WWOX: variants seen among roughly 807,000 people sequenced by gnomAD.
WWOX encodes the protein WW domain-containing oxidoreductase.
In WWOX, 69 loss-of-function variants were observed where a neutral mutation model predicts 46.2. That is an observed-to-expected ratio of 1.49 (90% confidence interval 1.23 to 1.82). The LOEUF is 1.82. WWOX is among the 40% of genes most tolerant of loss of function. The probability of loss-of-function intolerance (pLI) is 0.00; values close to 1 mark genes in which losing one functional copy is unlikely to be tolerated. For synonymous variants in WWOX, 359 were observed against 202.6 expected (o/e 1.77, Z -6.56); for missense variants, 919 against 542.6 (o/e 1.69, Z -6.89).
At chr16:78,813,948 T>G (rs985412563) in intron 8 of WWOX, among the ~76,000 whole-genome samples, 3 of 152,218 alleles carry the variant, frequency 2.0e-5, no homozygotes, top group African/African-American at 7.2e-5. Flanking sequence ...TCCTGAAGCT[T>G]GTCTCCCCAC....
At chr16:78,277,096 C>G (rs1274659726) in intron 5 of WWOX, among the ~76,000 whole-genome samples, 1 of 152,156 alleles carries the variant, frequency 6.6e-6, no homozygotes, top group Non-Finnish European at 1.5e-5. Flanking sequence ...TGGATACATT[C>G]TCTTAACAGA....
chr16:78,718,708 G>C (rs568645526), intron 8 of WWOX, among the ~76,000 whole-genome samples: 93 of 152,174 alleles, frequency 6.1e-4, no homozygotes, highest in Admixed American at 1.6e-3. Context: ...ACACTACCTA[G>C]ATAGCTTAGG....
intron 8 of WWOX, among the ~76,000 whole-genome samples, chr16:79,132,533 T>C (rs1224031771): frequency 2.6e-5 from 4 of 152,218 alleles, no homozygotes; most frequent in Non-Finnish European, 5.9e-5. Context: ...AGGAATATTC[T>C]GAGTTTGTTT....
chr16:78,154,784 A>G (rs1310169833), intron 4 of WWOX, among the ~76,000 whole-genome samples: 4 of 152,132 alleles, frequency 2.6e-5, no homozygotes, highest in African/African-American at 7.2e-5. Context: ...GTTTAAATAA[A>G]ATCTCAACCA....
intron 8 of WWOX, among the ~76,000 whole-genome samples, chr16:79,179,218 C>A (rs542391474): frequency 6.6e-6 from 1 of 152,332 alleles, no homozygotes; most frequent in African/African-American, 2.4e-5. Context: ...TGTAAAACAA[C>A]GTGTCTAAAT....
At chr16:78,772,922 G>C (rs1422973063) in intron 8 of WWOX, among the ~76,000 whole-genome samples, 1 of 152,144 alleles carries the variant, frequency 6.6e-6, no homozygotes, top group Non-Finnish European at 1.5e-5. Context: ...TTACTCAGGA[G>C]GTGGAGGTGG....
At chr16:78,321,760 C>T (rs1209597941) in intron 5 of WWOX, among the ~76,000 whole-genome samples, 1 of 152,206 alleles carries the variant, frequency 6.6e-6, no homozygotes, top group African/African-American at 2.4e-5. Context: ...TCAGCACACA[C>T]ATCACAGGCC....
chr16:78,953,049 T>C (rs1029296164), intron 8 of WWOX, among the ~76,000 whole-genome samples: 3 of 151,982 alleles, frequency 2.0e-5, no homozygotes, highest in Non-Finnish European at 4.4e-5. Flanking sequence ...CCAGTTGTTG[T>C]TGTTCATGGT....
rs59862391 is a variant in WWOX at position 78,782,666 on chromosome 16, CTTT to C, written c.1056+349929_1056+349931del. On this transcript the variant is annotated intron_variant, in intron 8 of 8. Transcript: ENST00000566780. ...TCTTTCCGGTCTTTCTTTTCTATAT[CTTT>C]TTTTTTTTTTTTTTGCATTTTTCCA... 4.6e-5 allele frequency among the ~76,000 whole-genome samples: 6 copies of C among 131,844 alleles called. No individual in the cohort carries two copies. In the East Asian group the frequency reaches 6.7e-4, roughly 15 times the overall value. The allele number at this position is 131,844 out of a possible 152,430, so 86.5% of individuals were successfully genotyped here. A position where few individuals can be genotyped will look rare whatever the true frequency, so the allele number is the denominator to read the frequency against.
intron 8 of WWOX, among the ~76,000 whole-genome samples, chr16:78,820,797 C>T (rs933031724): frequency 6.6e-6 from 1 of 152,108 alleles, no homozygotes; most frequent in Non-Finnish European, 1.5e-5. Flanking sequence ...GGGTTCGTTC[C>T]TTCTGGAAGC....
chr16:78,389,634 A>T (rs1321687068), intron 6 of WWOX, among the ~76,000 whole-genome samples: 2 of 152,204 alleles, frequency 1.3e-5, no homozygotes, highest in African/African-American at 4.8e-5. Flanking sequence ...AAGGAAAGTG[A>T]GGCTAGAGAG....
chr16:78,555,753 AG>A (rs928284682), intron 8 of WWOX, among the ~76,000 whole-genome samples: 5 of 152,064 alleles, frequency 3.3e-5, no homozygotes, highest in African/African-American at 1.2e-4. Flanking sequence ...TGATTTCACA[AG>A]GAGTGCAAAA....
chr16:79,031,073 A>T (rs1164021407), intron 8 of WWOX, among the ~76,000 whole-genome samples: 1 of 145,532 alleles, frequency 6.9e-6, no homozygotes, highest in Admixed American at 7.1e-5. Context: ...AGCCTGGACA[A>T]CAGAGTGAGA....
intron 8 of WWOX, among the ~76,000 whole-genome samples, chr16:78,968,580 CA>C (rs2046409593): frequency 6.6e-6 from 1 of 152,166 alleles, no homozygotes; most frequent in African/African-American, 2.4e-5. Context: ...GACCTCAGAG[CA>C]ATGGGGCAGG....
At chr16:78,291,587 T>G (rs926896675) in intron 5 of WWOX, among the ~76,000 whole-genome samples, 1 of 152,184 alleles carries the variant, frequency 6.6e-6, no homozygotes, top group African/African-American at 2.4e-5. Flanking sequence ...GTTTTAGAAG[T>G]TGACCATGAA....
At chr16:78,710,758 G>C (rs2048428272) in intron 8 of WWOX, among the ~76,000 whole-genome samples, 1 of 151,118 alleles carries the variant, frequency 6.6e-6, no homozygotes, top group Non-Finnish European at 1.5e-5. Context: ...GGGACCGCAG[G>C]TTCATGCTAC....
chr16:78,559,858 T>C (rs1355460712), intron 8 of WWOX, among the ~76,000 whole-genome samples: 1 of 152,088 alleles, frequency 6.6e-6, no homozygotes, highest in African/African-American at 2.4e-5. Context: ...CCACCCTCCT[T>C]CCCCCCTCTA....
chr16:78,787,255 G>C (rs1270215712), intron 8 of WWOX, among the ~76,000 whole-genome samples: 1 of 152,122 alleles, frequency 6.6e-6, no homozygotes, highest in South Asian at 2.1e-4. Context: ...GCCACAATCA[G>C]CAGCCATTTC....
intron 8 of WWOX, among the ~76,000 whole-genome samples, chr16:78,885,858 T>C (rs926148333): frequency 6.6e-6 from 1 of 151,998 alleles, no homozygotes; most frequent in Non-Finnish European, 1.5e-5. Context: ...AAATATGCAG[T>C]GTGTAGAATT....
Sources: allele counts gnomAD v4.1 joint callset (sites outside exome capture counted in the v4.1 genomes callset), GRCh38; gene constraint gnomAD v4.1.1; transcripts MANE v1.5; gene names NCBI Gene and HGNC (gene_info 2026-07-23, HGNC 2026-07-21).